FAM168A: variants seen among roughly 807,000 people sequenced by gnomAD.
FAM168A encodes the protein family with sequence similarity 168 member A, also known as protein FAM168A.
A neutral mutation model predicts 28.5 loss-of-function variants in FAM168A; 3 were observed. The ratio of observed to expected loss-of-function variants is 0.11; its 90% CI spans 0.05 to 0.27. The LOEUF (loss-of-function observed/expected upper bound fraction) is 0.27. FAM168A is among the 10% of genes least tolerant of loss of function. The pLI is 1.00. For synonymous variants in FAM168A, 122 were observed against 124.2 expected (o/e 0.98, Z 0.12); for missense variants, 222 against 311.5 (o/e 0.71, Z 2.16).
chr11:73,569,912 A>G (rs1477457134), intron 1 of FAM168A, among the ~76,000 whole-genome samples: 2 of 101,292 alleles, frequency 2.0e-5, no homozygotes, highest in East Asian at 2.1e-4. Flanking sequence ...CAGCAGGGGA[A>G]AAAAATATGA....
intron 1 of FAM168A, among the ~76,000 whole-genome samples, chr11:73,532,984 T>C (rs1319934877): frequency 2.0e-5 from 3 of 152,220 alleles, no homozygotes; most frequent in Admixed American, 1.3e-4. Flanking sequence ...TATTCCTTAC[T>C]GCATTGCTCT....
At chr11:73,482,883 C>T (rs959163094) in intron 1 of FAM168A, among the ~76,000 whole-genome samples, 6 of 152,036 alleles carry the variant, frequency 3.9e-5, no homozygotes, top group African/African-American at 1.2e-4. Flanking sequence ...GGATTAAAGG[C>T]GTGAGCCACC....
chr11:73,580,378 A>C, intron 1 of FAM168A: 1 of 611,976 alleles, frequency 1.6e-6, no homozygotes, highest in Admixed American at 1.8e-5. Context: ...AGGCCAAAAA[A>C]GCCCCTGCAA....
chr11:73,565,572 A>G (rs1467497475), intron 1 of FAM168A, among the ~76,000 whole-genome samples: 1 of 152,166 alleles, frequency 6.6e-6, no homozygotes, highest in Non-Finnish European at 1.5e-5. Context: ...TCTTGGAGCT[A>G]CTATAGGAAT....
intron 1 of FAM168A, among the ~76,000 whole-genome samples, chr11:73,524,500 G>C (rs905139763): frequency 6.6e-6 from 1 of 150,582 alleles, no homozygotes; most frequent in Non-Finnish European, 1.5e-5. Context: ...ATCTTAAACT[G>C]ATCCTCTAAT....
intron 1 of FAM168A, among the ~76,000 whole-genome samples, chr11:73,588,791 C>T (rs866244709): frequency 6.6e-6 from 1 of 152,160 alleles, no homozygotes; most frequent in African/African-American, 2.4e-5. Context: ...TCTGGAAACA[C>T]ATCCTTTGGG....
intron 1 of FAM168A, among the ~76,000 whole-genome samples, chr11:73,473,029 G>GA (rs1030203294): frequency 6.6e-6 from 1 of 151,440 alleles, no homozygotes; most frequent in African/African-American, 2.4e-5. Context: ...AAAAAAAAAG[G>GA]AAAAAAAATA....
chr11:73,469,400 T>C (rs1372017146), intron 1 of FAM168A, among the ~76,000 whole-genome samples: 2 of 152,222 alleles, frequency 1.3e-5, no homozygotes, highest in African/African-American at 4.8e-5. Flanking sequence ...ACAAGATAGA[T>C]GAGCAATTTT....
chr11:73,418,215 AT>A (rs1288105658), intron 4 of FAM168A, among the ~76,000 whole-genome samples: 1 of 152,252 alleles, frequency 6.6e-6, no homozygotes, highest in African/African-American at 2.4e-5. Context: ...TCATGCTGAA[AT>A]GTAACCTCCA....
intron 1 of FAM168A, among the ~76,000 whole-genome samples, chr11:73,496,945 C>T (rs1325274245): frequency 6.7e-6 from 1 of 150,012 alleles, no homozygotes; most frequent in Non-Finnish European, 1.5e-5. Flanking sequence ...TTAGGTCTAA[C>T]ACCAAAACTA....
At chr11:73,543,210 T>C (rs1943679295) in intron 1 of FAM168A, among the ~76,000 whole-genome samples, 1 of 151,856 alleles carries the variant, frequency 6.6e-6, no homozygotes, top group South Asian at 2.1e-4. Flanking sequence ...GGAGCTAAGA[T>C]CATATTGTAA....
chr11:73,494,775 G>A (rs533047710), intron 1 of FAM168A, among the ~76,000 whole-genome samples: 146 of 152,216 alleles, frequency 9.6e-4, no homozygotes, highest in Middle Eastern at 6.8e-3. Context: ...CGAGGAGGGC[G>A]GATTACTTGA....
chr11:73,502,735 A>G (rs568000), intron 1 of FAM168A, among the ~76,000 whole-genome samples: 152,307 of 152,308 alleles, frequency 1, 76,153 homozygotes, highest in Non-Finnish European at 1. Context: ...GATGAACATC[A>G]ATGCAAAAAT....
chr11:73,551,555 G>A (rs1820980658), intron 1 of FAM168A, among the ~76,000 whole-genome samples: 1 of 152,128 alleles, frequency 6.6e-6, no homozygotes, highest in Non-Finnish European at 1.5e-5. Context: ...AGCCATTCCG[G>A]ATTTCGAACT....
intron 1 of FAM168A, among the ~76,000 whole-genome samples, chr11:73,473,289 A>T (rs993033634): frequency 2.0e-5 from 3 of 152,184 alleles, no homozygotes; most frequent in Non-Finnish European, 4.4e-5. Flanking sequence ...TGTCCAAGTT[A>T]CTTTCACTGT....
chr11:73,584,621 C>T (rs1944289015), intron 1 of FAM168A, among the ~76,000 whole-genome samples: 1 of 152,000 alleles, frequency 6.6e-6, no homozygotes, highest in African/African-American at 2.4e-5. Context: ...CTACAGGCGC[C>T]CGCCACCATG....
intron 1 of FAM168A, among the ~76,000 whole-genome samples, chr11:73,552,912 G>A (rs1245679146): frequency 2.6e-5 from 4 of 152,128 alleles, no homozygotes; most frequent in Non-Finnish European, 4.4e-5. Flanking sequence ...AGCCGAGATC[G>A]CGCCACTGCA....
chr11:73,407,489 T>C, intron 7 of FAM168A, 24 bp downstream of exon 7: 2 of 1,499,496 alleles, frequency 1.3e-6, no homozygotes, highest in Non-Finnish European at 1.8e-6. Context: ...CCCCTCCCAC[T>C]TCTCTCACCC....
At chr11:73,454,337 C>T (rs903770307) in intron 2 of FAM168A, among the ~76,000 whole-genome samples, 8 of 152,214 alleles carry the variant, frequency 5.3e-5, no homozygotes, top group Admixed American at 1.3e-4. Context: ...ATAAGCCCCT[C>T]ATAGCCTAGA....
Sources: gnomAD v4.1 joint callset for allele counts (sites outside exome capture counted in the v4.1 genomes callset) on GRCh38, gnomAD v4.1.1 for gene constraint, MANE v1.5 for transcripts, NCBI Gene and HGNC (gene_info 2026-07-23, HGNC 2026-07-21) for gene names.